The following ERGIC1 variants were observed in gnomAD, a reference collection of about 807,000 sequenced individuals.
The protein encoded by ERGIC1 is endoplasmic reticulum-golgi intermediate compartment 1.
ERGIC1 carries 19 observed loss-of-function variants against 38.3 expected under a neutral mutation model. The observed-to-expected ratio is 0.50, with a 90% CI of 0.35 to 0.73. The LOEUF (loss-of-function observed/expected upper bound fraction) is 0.73. ERGIC1 is among the 30% of genes least tolerant of loss of function. ERGIC1 has a pLI of 0.01. For synonymous variants in ERGIC1, 124 were observed against 157.6 expected, an observed-to-expected ratio of 0.79 and a Z score of 1.60; for missense variants, 294 against 389.2, an observed-to-expected ratio of 0.76 and a Z score of 2.06.
At chr5:172,931,857 C>CTTCT (rs1554113750) in intron 7 of ERGIC1, among the ~76,000 whole-genome samples, 2 of 123,086 alleles carry the variant, frequency 1.6e-5, no homozygotes, top group African/African-American at 6.2e-5. Flanking sequence ...AGCACCCACA[C>CTTCT]TTTTTTTTTT....
In ERGIC1 at chr5:172,846,542, G is replaced by T. The variant is rs1761285472; in HGVS notation, c.20+12109G>T. Among the ~76,000 whole-genome samples, 4 of 152,208 alleles carry T rather than the reference G, an allele frequency of 2.6e-5. No individual in the cohort carries two copies. The highest frequency in any genetic ancestry group is 9.6e-5 in the African/African-American group (4 of 41,454). ...TGGCTCTGAGTTGGGAGACAGCAGAGCTAGGATTGCAGCTGATCTGGGTCC... is the reference window on the plus strand; with the variant it reads ...TGGCTCTGAGTTGGGAGACAGCAGATCTAGGATTGCAGCTGATCTGGGTCC... On this transcript the variant is annotated intron_variant, in intron 1 of 9. Coordinates refer to ENST00000393784, the MANE Select transcript of ERGIC1 (RefSeq NM_001031711.3). This position sits in a 1 kb window ranked among gnomAD's most constrained non-coding sequence, Gnocchi z 4.0.
chr5:172,853,429 G>A (rs2113047959), intron 1 of ERGIC1, among the ~76,000 whole-genome samples: 1 of 152,334 alleles, frequency 6.6e-6, no homozygotes, highest in Middle Eastern at 3.4e-3. Flanking sequence ...CCTTCTGCCA[G>A]GTACCTCTCA....
At chr5:172,888,627 A>G in intron 1 of ERGIC1, 72 bp from the exon 2 acceptor site, 1 of 1,218,972 alleles carries the variant, frequency 8.2e-7, no homozygotes, top group East Asian at 2.3e-5. Flanking sequence ...CACACAAGCC[A>G]GCACCACTGC....
rs1760987086 is a variant in ERGIC1, at chr5:172,834,587, CCCT to C, written c.20+155_20+157del. 7.5e-6 allele frequency among the ~76,000 whole-genome samples: 1 copy of C among 132,942 alleles called. No homozygotes were observed. The allele number at this position is 132,942 out of a possible 152,430, so 87.2% of individuals were successfully genotyped here. A position where few individuals can be genotyped will look rare whatever the true frequency, so the allele number is the denominator to read the frequency against. On this transcript the variant is annotated intron_variant, in intron 1 of 9. Coordinates refer to ENST00000393784, the MANE Select transcript of ERGIC1 (RefSeq NM_001031711.3). The surrounding 1 kb of genome is among the most constrained non-coding windows in gnomAD (Gnocchi z 4.1). ...CCTAGGGACCCCAGGCGAGCCCCCC[CCCT>C]GCCGCACACGAAGCCAGCCAGAGCC... is the stretch of plus-strand genomic sequence containing the variant.
chr5:172,909,613 C>T (rs2302957), intron 3 of ERGIC1, 54 bp from the exon 4 acceptor site: 1,089,622 of 1,536,334 alleles, frequency 0.71, 391,073 homozygotes, highest in Non-Finnish European at 0.74. Flanking sequence ...TCCCCCGCAG[C>T]TGAGATCTTT....
At chr5:172,950,049 G>A (rs571947195) in intron 9 of ERGIC1, among the ~76,000 whole-genome samples, 1 of 152,218 alleles carries the variant, frequency 6.6e-6, no homozygotes, top group East Asian at 1.9e-4. Context: ...CTCCAGCCTG[G>A]AAGACAGAAA....
chr5:172,908,468 C>T (rs780409310), intron 3 of ERGIC1, among the ~76,000 whole-genome samples: 19 of 150,674 alleles, frequency 1.3e-4, no homozygotes, highest in East Asian at 4.0e-4. Context: ...CACAGCTACT[C>T]GGGAGGCTGA....
intron 9 of ERGIC1, among the ~76,000 whole-genome samples, chr5:172,944,335 T>C (rs955590621): frequency 2.0e-5 from 3 of 151,104 alleles, no homozygotes; most frequent in African/African-American, 7.3e-5. Context: ...GCCACCACAG[T>C]CCTAGGGGGT....
intron 1 of ERGIC1, among the ~76,000 whole-genome samples, chr5:172,879,922 C>T (rs1191069551): frequency 1.3e-5 from 2 of 152,206 alleles, no homozygotes; most frequent in African/African-American, 4.8e-5. Context: ...CCACACCCAG[C>T]GACGGCCCAA....
intron 2 of ERGIC1, among the ~76,000 whole-genome samples, chr5:172,894,009 A>G (rs1762653806): frequency 7.2e-6 from 1 of 137,954 alleles, no homozygotes; most frequent in Admixed American, 7.5e-5. Context: ...GGGGCTGCAG[A>G]TCAGGAGAGA....
At chr5:172,914,918 G>A in intron 5 of ERGIC1, 80 bp downstream of exon 5, 1 of 1,595,760 alleles carries the variant, frequency 6.3e-7, no homozygotes. Context: ...TGGTTGTGGA[G>A]GCACTCACTC....
chr5:172,929,197 A>G (rs1340273451), intron 7 of ERGIC1, among the ~76,000 whole-genome samples: 3 of 152,108 alleles, frequency 2.0e-5, no homozygotes, highest in Non-Finnish European at 4.4e-5. Context: ...ACACATACAT[A>G]TATATGGGCT....
At chr5:172,891,531 C>G (rs556962644) in intron 2 of ERGIC1, among the ~76,000 whole-genome samples, 6 of 151,440 alleles carry the variant, frequency 4.0e-5, no homozygotes, top group African/African-American at 1.5e-4. Context: ...TTCTGCCTCC[C>G]GGGTTCAAGC....
At chr5:172,932,658 G>A (rs1462075689) in intron 8 of ERGIC1, 122 bp downstream of exon 8, 3 of 999,752 alleles carry the variant, frequency 3.0e-6, no homozygotes, top group Non-Finnish European at 3.0e-6. Flanking sequence ...GCCTTTCCTG[G>A]GGGTTAGCTT....
intron 3 of ERGIC1, among the ~76,000 whole-genome samples, chr5:172,901,443 A>G (rs968290815): frequency 6.6e-6 from 1 of 152,196 alleles, no homozygotes; most frequent in Non-Finnish European, 1.5e-5. Flanking sequence ...CTGAATAATT[A>G]TTAACCTCAT....
In ERGIC1 at chr5:172,945,345, C is replaced by T. The variant is rs760361234; in HGVS notation, c.766-5364C>T. ...GTAACTTCAGAGGGCCCTTAGAGTG[C>T]GTGGGCCCCCAGCGGCCACAAAGAA... On this transcript the variant is annotated intron_variant, in intron 9 of 9. Transcript: ENST00000393784. Among the ~76,000 whole-genome samples the T allele has an allele frequency of 3.3e-5, 5 of 152,178 alleles. No individual in the cohort carries two copies. The South Asian group carries it at 6.2e-4, about 19-fold the overall frequency.
intron 1 of ERGIC1, among the ~76,000 whole-genome samples, chr5:172,858,426 G>A (rs975100414): frequency 1.5e-4 from 23 of 152,332 alleles, no homozygotes; most frequent in East Asian, 3.9e-4. Flanking sequence ...TCCGGGTCTC[G>A]GGCAGTGTCT....
At chr5:172,877,450 A>G (rs1391613310) in intron 1 of ERGIC1, among the ~76,000 whole-genome samples, 1 of 124,236 alleles carries the variant, frequency 8.0e-6, no homozygotes. Context: ...GTATATATAT[A>G]TATATATATT....
At chr5:172,924,913 C>T (rs1201203231) in intron 6 of ERGIC1, among the ~76,000 whole-genome samples, 2 of 152,182 alleles carry the variant, frequency 1.3e-5, no homozygotes, top group African/African-American at 4.8e-5. Context: ...CCTGGAGCTT[C>T]CAGTCTAGGG....
Sources: allele counts gnomAD v4.1 joint callset (sites outside exome capture counted in the v4.1 genomes callset), GRCh38; gene constraint gnomAD v4.1.1; non-coding constraint Gnocchi (gnomAD v3.1); transcripts MANE v1.5; gene names NCBI Gene and HGNC (gene_info 2026-07-23, HGNC 2026-07-21).